The following COL28A1 variants were observed in gnomAD, a reference collection of about 807,000 sequenced individuals.
COL28A1 encodes the protein collagen type XXVIII alpha 1 chain.
COL28A1 carries 161 observed loss-of-function variants against 150.2 expected under a neutral mutation model. The observed-to-expected ratio is 1.07, with a 90% CI of 0.94 to 1.22. The LOEUF is 1.22. Among genes scored for constraint, COL28A1 ranks in the 50% most tolerant of loss-of-function variants. The pLI is 0.00. For synonymous variants in COL28A1, 552 were observed against 469.7 expected (o/e 1.18, Z -2.26); for missense variants, 1,617 against 1,388.3 (o/e 1.16, Z -2.62).
At chr7:7,441,595 A>G (rs748871360) in intron 20 of COL28A1, among the ~76,000 whole-genome samples, 4 of 151,714 alleles carry the variant, frequency 2.6e-5, no homozygotes, top group Non-Finnish European at 5.9e-5. Context: ...AAATTACTAT[A>G]CCATGGTTTT....
intron 18 of COL28A1, among the ~76,000 whole-genome samples, chr7:7,447,417 A>G (rs1211911553): frequency 6.6e-6 from 1 of 151,440 alleles, no homozygotes; most frequent in African/African-American, 2.4e-5. Context: ...CATCTTTTAA[A>G]ATATTAATAT....
At chr7:7,427,491 T>C (rs1050709808) in intron 25 of COL28A1, among the ~76,000 whole-genome samples, 2 of 152,200 alleles carry the variant, frequency 1.3e-5, no homozygotes, top group Non-Finnish European at 2.9e-5. Flanking sequence ...TGTCTGCCAA[T>C]GGAATTCACA....
Position 7,363,938 on chromosome 7 carries a change from G to A in COL28A1, c.3067-3410C>T, listed in dbSNP as rs185074558. ...TGATATTACAGAGGTGAGCCACCAC[G>A]CCCAGCCTCCTCCACATTTTTATAA... On this transcript the variant is annotated intron_variant, in intron 33 of 34. Transcript: ENST00000399429. Among the ~76,000 whole-genome samples, 309 of 151,988 alleles carry A rather than the reference G, an allele frequency of 2.0e-3. 1 individual carries two copies. Among genetic ancestry groups the A allele is most frequent in the African/African-American group, 7.0e-3 (290 of 41,456 alleles).
intron 15 of COL28A1, among the ~76,000 whole-genome samples, chr7:7,467,909 C>A (rs372256826): frequency 5.5e-5 from 8 of 144,398 alleles, no homozygotes; most frequent in African/African-American, 7.9e-5. Context: ...TTGAAACCAA[C>A]GAGAACAAAG....
chr7:7,419,935 C>A lies in COL28A1; in HGVS notation c.2017G>T (p.Gly673Cys). 1 of 1,599,378 alleles carries A rather than the reference C, an allele frequency of 6.3e-7. No homozygotes were observed. The highest frequency in any genetic ancestry group is 1.1e-5 in the South Asian group (1 of 88,260). Reference protein sequence around the residue: ...TGAKGEPGVRGPPGPSGPRGV... With the variant: ...TGAKGEPGVRCPPGPSGPRGV... Reference sequence around the variant, plus strand: ...CGAGGCCCAGAAGGACCTGGAGGGCCTCTGACCCCAGGCTCTCCCTGAAAA... The same window carrying A: ...CGAGGCCCAGAAGGACCTGGAGGGCATCTGACCCCAGGCTCTCCCTGAAAA... Residue 673 changes from glycine (G) to cysteine (C), a missense_variant, in exon 26 of 35, where the codon GGC becomes TGC. Transcript: ENST00000399429.
chr7:7,389,964 C>A (rs960172979), intron 27 of COL28A1, among the ~76,000 whole-genome samples: 1 of 152,146 alleles, frequency 6.6e-6, no homozygotes, highest in African/African-American at 2.4e-5. Flanking sequence ...TCCTCTCTTC[C>A]TATTTGAATA....
intron 27 of COL28A1, among the ~76,000 whole-genome samples, chr7:7,414,043 T>C (rs938358410): frequency 6.6e-6 from 1 of 152,100 alleles, no homozygotes; most frequent in Non-Finnish European, 1.5e-5. Context: ...AGGATGGAGA[T>C]GGGGAAACTG....
At chr7:7,474,580 G>A (rs1167593591) in intron 15 of COL28A1, 21 bp downstream of exon 15, 2 of 967,310 alleles carry the variant, frequency 2.1e-6, no homozygotes, top group East Asian at 2.4e-5. Context: ...TGTTTCCAGT[G>A]TACACCCTAT....
chr7:7,460,345 G>A (rs1387294807), intron 15 of COL28A1, among the ~76,000 whole-genome samples: 1 of 151,844 alleles, frequency 6.6e-6, no homozygotes, highest in African/African-American at 2.4e-5. Context: ...CCTAGGGATG[G>A]ATATACACTT....
intron 27 of COL28A1, among the ~76,000 whole-genome samples, chr7:7,400,975 G>GTGTGT (rs1783145948): frequency 5.0e-5 from 6 of 119,128 alleles, no homozygotes; most frequent in South Asian, 3.1e-4. Flanking sequence ...TGGGTATTTG[G>GTGTGT]GTGTGTGTGT....
intron 5 of COL28A1, among the ~76,000 whole-genome samples, chr7:7,520,661 T>C (rs1017788113): frequency 1.3e-5 from 2 of 152,198 alleles, no homozygotes; most frequent in Non-Finnish European, 2.9e-5. Context: ...AAGCTTGCTT[T>C]TCTGAGAAAT....
intron 25 of COL28A1, among the ~76,000 whole-genome samples, chr7:7,425,910 A>T (rs1423025392): frequency 6.6e-6 from 1 of 152,152 alleles, no homozygotes; most frequent in Non-Finnish European, 1.5e-5. Context: ...TAAAAATATC[A>T]ATATAATATT....
intron 27 of COL28A1, among the ~76,000 whole-genome samples, chr7:7,412,242 T>C (rs1203827852): frequency 2.6e-5 from 4 of 152,038 alleles, no homozygotes; most frequent in Non-Finnish European, 4.4e-5. Flanking sequence ...GTGTAAGTGA[T>C]AAAGAGGCCC....
intron 27 of COL28A1, among the ~76,000 whole-genome samples, chr7:7,391,352 T>C (rs1233634861): frequency 6.6e-6 from 1 of 152,212 alleles, no homozygotes; most frequent in Non-Finnish European, 1.5e-5. Context: ...TTGTTTGTTA[T>C]GATTTCCATT....
chr7:7,344,657 G>T, the COL28A1 span, among the ~76,000 whole-genome samples: 1 of 152,096 alleles, frequency 6.6e-6, no homozygotes, highest in East Asian at 1.9e-4. Context: ...AAAAGTAAGA[G>T]AATTTTTTTC....
At chr7:7,365,970 T>C (rs769219369) in intron 33 of COL28A1, among the ~76,000 whole-genome samples, 2 of 152,202 alleles carry the variant, frequency 1.3e-5, no homozygotes, top group Non-Finnish European at 2.9e-5. Context: ...CACCTTGAGT[T>C]TGGGCTGCAC....
At chr7:7,538,622 A>G (rs999482213), upstream of COL28A1, among the ~76,000 whole-genome samples, 5 of 152,126 alleles carry the variant, frequency 3.3e-5, no homozygotes, top group Admixed American at 1.3e-4. Context: ...CAGTGCCAAC[A>G]TCTTAATTTC....
the COL28A1 span, among the ~76,000 whole-genome samples, chr7:7,349,948 GA>G: frequency 6.6e-6 from 1 of 152,032 alleles, no homozygotes; most frequent in African/African-American, 2.4e-5. Flanking sequence ...TAGCTGAATT[GA>G]AGAACAAATT....
At chr7:7,375,620 A>C (rs1005107126) in intron 30 of COL28A1, 123 bp from the exon 31 acceptor site, 17 of 531,956 alleles carry the variant, frequency 3.2e-5, no homozygotes, top group Non-Finnish European at 4.9e-5. Context: ...CACTGCAGAA[A>C]ATAAAATAAA....
Sources: gnomAD v4.1 joint callset for allele counts (sites outside exome capture counted in the v4.1 genomes callset) on GRCh38, gnomAD v4.1.1 for gene constraint, MANE v1.5 for transcripts, NCBI Gene and HGNC (gene_info 2026-07-23, HGNC 2026-07-21) for gene names.